Variants in MAP3K3 observed in about 807,000 individuals in gnomAD.
MAP3K3 encodes mitogen-activated protein kinase kinase kinase 3.
Under a neutral mutation model 80.9 loss-of-function variants are expected in MAP3K3, and 12 were observed. That is an observed-to-expected ratio of 0.15 (90% confidence interval 0.10 to 0.24). The LOEUF (loss-of-function observed/expected upper bound fraction) is 0.24. MAP3K3 is among the 10% of genes least tolerant of loss of function. MAP3K3 has a pLI of 1.00. For synonymous variants in MAP3K3, 272 were observed against 307.1 expected, an observed-to-expected ratio of 0.89 and a Z score of 1.19; for missense variants, 596 against 834.7, an observed-to-expected ratio of 0.71 and a Z score of 3.52.
intron 6 of MAP3K3, among the ~76,000 whole-genome samples, chr17:63,671,893 G>T (rs2035116581): frequency 6.6e-6 from 1 of 152,010 alleles, no homozygotes; most frequent in African/African-American, 2.4e-5. Context: ...GATTGAATTT[G>T]CAGGTGTTTT....
intron 1 of MAP3K3, among the ~76,000 whole-genome samples, chr17:63,628,290 C>G (rs182564417): frequency 1.4e-4 from 21 of 151,906 alleles, no homozygotes; most frequent in Admixed American, 1.3e-3. Flanking sequence ...ATATAAGCTA[C>G]TCATATTTAA....
intron 2 of MAP3K3, among the ~76,000 whole-genome samples, chr17:63,639,259 A>AGGTAG (rs2034394890): frequency 6.6e-6 from 1 of 152,164 alleles, no homozygotes; most frequent in Non-Finnish European, 1.5e-5. Context: ...AAGGAAGTAT[A>AGGTAG]AACAGTTAGG....
chr17:63,628,855 G>C (rs1464982682), intron 1 of MAP3K3, among the ~76,000 whole-genome samples: 1 of 152,176 alleles, frequency 6.6e-6, no homozygotes, highest in African/African-American at 2.4e-5. Context: ...ATGGCCTCCA[G>C]TCTTTTTCCA....
Position 63,645,995 on chromosome 17 carries a change from CAG to C in MAP3K3, c.127-35_127-34del, listed in dbSNP as rs1189255071. ...TGGCAATGGCAGGAGTGACACATTC[CAG>C]AGAATTCTCTAACCTGTCTATCATT... On this transcript the variant is annotated intron_variant, in intron 2 of 15. Coordinates refer to ENST00000361733, the MANE Select transcript of MAP3K3 (RefSeq NM_002401.5). The C allele has an allele frequency of 2.8e-5, 45 of 1,584,308 alleles. No homozygotes were observed. In the Admixed American group the frequency reaches 7.4e-4, roughly 26 times the overall value.
chr17:63,627,547 A>G (rs2034127053), intron 1 of MAP3K3, among the ~76,000 whole-genome samples: 1 of 151,820 alleles, frequency 6.6e-6, no homozygotes, highest in African/African-American at 2.4e-5. Context: ...GGTTCAAGCA[A>G]TTCTCCTACC....
intron 6 of MAP3K3, among the ~76,000 whole-genome samples, chr17:63,667,700 C>T (rs527893724): frequency 4.6e-5 from 7 of 152,162 alleles, no homozygotes; most frequent in Middle Eastern, 3.4e-3. Flanking sequence ...AAATCATCTC[C>T]GGGTTATTTA....
chr17:63,666,454 C>T (rs1319602290), intron 5 of MAP3K3, among the ~76,000 whole-genome samples: 1 of 152,100 alleles, frequency 6.6e-6, no homozygotes, highest in Non-Finnish European at 1.5e-5. Flanking sequence ...GGCAACATAG[C>T]AAGACTCTGT....
intron 3 of MAP3K3, among the ~76,000 whole-genome samples, chr17:63,650,574 A>G (rs1267562503): frequency 6.6e-6 from 1 of 150,618 alleles, no homozygotes; most frequent in African/African-American, 2.4e-5. Flanking sequence ...AAGCGCTGGG[A>G]TTACAGGCAT....
chr17:63,660,462 C>G (rs1308666238), intron 5 of MAP3K3, among the ~76,000 whole-genome samples: 1 of 152,000 alleles, frequency 6.6e-6, no homozygotes, highest in African/African-American at 2.4e-5. Context: ...ATCCTTCTGT[C>G]TCAGCCTCGC....
intron 2 of MAP3K3, among the ~76,000 whole-genome samples, chr17:63,645,704 A>G (rs532496759): frequency 2.8e-3 from 433 of 152,344 alleles, no homozygotes; most frequent in Non-Finnish European, 4.1e-3. Context: ...TATCCTGGTC[A>G]GGAGGTGATA....
chr17:63,686,911 C>G lies in MAP3K3; in HGVS notation c.710+1321C>G, dbSNP rs1247586648. On this transcript the variant is annotated intron_variant, in intron 8 of 15. Transcript: ENST00000361733. ...GGAGCCAGACAAACCTAGATCCAGT[C>G]CCAGCTCCACCAAATATTAGTTGAA... is the stretch of plus-strand genomic sequence containing the variant. 2.6e-5 allele frequency among the ~76,000 whole-genome samples: 4 copies of G among 152,154 alleles called. No homozygotes were observed. In the South Asian group the frequency reaches 6.2e-4, roughly 24 times the overall value.
At chr17:63,627,946 C>T (rs2034136547) in intron 1 of MAP3K3, among the ~76,000 whole-genome samples, 1 of 151,196 alleles carries the variant, frequency 6.6e-6, no homozygotes, top group Non-Finnish European at 1.5e-5. Flanking sequence ...TACTCTGTCG[C>T]CCAGGCTGGA....
intron 5 of MAP3K3, among the ~76,000 whole-genome samples, chr17:63,660,351 G>C (rs2034862468): frequency 6.6e-6 from 1 of 151,654 alleles, no homozygotes; most frequent in Middle Eastern, 3.4e-3. Context: ...CTACAGGCGT[G>C]TGCCCCCATG....
At chr17:63,674,886 A>G (rs1160021304) in intron 6 of MAP3K3, among the ~76,000 whole-genome samples, 1 of 152,166 alleles carries the variant, frequency 6.6e-6, no homozygotes, top group East Asian at 1.9e-4. Flanking sequence ...GAATGTTGAA[A>G]GGATGAGGGT....
intron 5 of MAP3K3, among the ~76,000 whole-genome samples, chr17:63,664,914 C>T (rs376776007): frequency 1.3e-5 from 2 of 152,046 alleles, no homozygotes; most frequent in Non-Finnish European, 2.9e-5. Context: ...CCCTTTTGCC[C>T]CCTTAAATTG....
chr17:63,679,028 C>CG (rs2035277354), intron 6 of MAP3K3, among the ~76,000 whole-genome samples: 1 of 151,124 alleles, frequency 6.6e-6, no homozygotes, highest in Non-Finnish European at 1.5e-5. Context: ...GACTCCGTCT[C>CG]AAAAAAAAGA....
At chr17:63,653,295 G>A (rs34965358) in intron 4 of MAP3K3, among the ~76,000 whole-genome samples, 1 of 152,190 alleles carries the variant, frequency 6.6e-6, no homozygotes, top group Non-Finnish European at 1.5e-5. Flanking sequence ...AATCAGCTTA[G>A]GCTGGTGCTT....
chr17:63,669,948 C>T (rs536839851), intron 6 of MAP3K3, among the ~76,000 whole-genome samples: 1 of 151,574 alleles, frequency 6.6e-6, no homozygotes, highest in African/African-American at 2.4e-5. Context: ...ACAAAAAATA[C>T]AAAAATTAGC....
At chr17:63,679,163 G>C (rs905246505) in intron 6 of MAP3K3, among the ~76,000 whole-genome samples, 2 of 152,184 alleles carry the variant, frequency 1.3e-5, no homozygotes, top group Non-Finnish European at 2.9e-5. Context: ...CACTTTGGGA[G>C]GCCAAGGCTT....
Sources: gnomAD v4.1 joint callset for allele counts (sites outside exome capture counted in the v4.1 genomes callset) on GRCh38, gnomAD v4.1.1 for gene constraint, MANE v1.5 for transcripts, NCBI Gene and HGNC (gene_info 2026-07-23, HGNC 2026-07-21) for gene names.